DMD: variants seen among roughly 807,000 people sequenced by gnomAD.
DMD encodes mutant dystrophin.
Under a neutral mutation model 330.1 loss-of-function variants are expected in DMD, and 63 were observed. The observed-to-expected ratio is 0.19, with a 90% CI of 0.16 to 0.24. DMD has a LOEUF of 0.24. DMD is among the 10% of genes least tolerant of loss of function. DMD has a pLI of 1.00. For synonymous variants in DMD, 1,223 were observed against 959.8 expected (o/e 1.27, Z -5.07); for missense variants, 3,344 against 2,684.1 (o/e 1.25, Z -5.43).
chrX:31,838,086 G>A (rs920077791), intron 48 of DMD, among the ~76,000 whole-genome samples: 2 of 111,490 alleles, frequency 1.8e-5, no homozygotes, highest in East Asian at 2.8e-4. Context: ...TGCAGCACCC[G>A]GAATGACTGT....
Position 32,543,928 on chromosome X carries a change from G to C in DMD, c.2168+1231C>G, listed in dbSNP as rs187969174. Among the ~76,000 whole-genome samples the C allele has an allele frequency of 6.0e-4, 67 of 112,225 alleles. 1 individual carries two copies. Among genetic ancestry groups the C allele is most frequent in the Admixed American group, 5.7e-4 (6 of 10,567 alleles). On this transcript the variant is annotated intron_variant, in intron 17 of 78. Transcript: ENST00000357033. ...AAGTAATCATAAGTGATAAATAAATGAGTTTGGCTGTGTTCCACTAAAACA... is the reference window on the plus strand; with the variant it reads ...AAGTAATCATAAGTGATAAATAAATCAGTTTGGCTGTGTTCCACTAAAACA...
chrX:31,616,955 G>A (rs750593236), intron 55 of DMD, among the ~76,000 whole-genome samples: 6 of 111,453 alleles, frequency 5.4e-5, no homozygotes, highest in East Asian at 5.7e-4. Context: ...AGATGGTACC[G>A]GGATGAACAG....
intron 2 of DMD, among the ~76,000 whole-genome samples, chrX:32,923,388 C>G (rs906180149): frequency 9.1e-6 from 1 of 109,484 alleles, no homozygotes; most frequent in Non-Finnish European, 1.9e-5. Context: ...TAGCGAAACC[C>G]CATCTCTACT....
intron 2 of DMD, among the ~76,000 whole-genome samples, chrX:32,870,760 A>G (rs1242547722): frequency 2.7e-5 from 3 of 110,419 alleles, no homozygotes; most frequent in African/African-American, 9.9e-5. Context: ...CTTACACCTT[A>G]TACAAAAATT....
chrX:32,978,749 A>G (rs1009498872), intron 2 of DMD, among the ~76,000 whole-genome samples: 6 of 112,675 alleles, frequency 5.3e-5, no homozygotes, highest in African/African-American at 1.6e-4. Flanking sequence ...GATTACAGGC[A>G]TGAGACACTG....
intron 1 of DMD, among the ~76,000 whole-genome samples, chrX:33,250,140 T>C (rs998742309): frequency 2.0e-5 from 2 of 100,019 alleles, no homozygotes; most frequent in Non-Finnish European, 3.9e-5. Context: ...TATGTATGTG[T>C]GTGTATGTGT....
chrX:32,551,272 A>G (rs998122733), intron 16 of DMD, among the ~76,000 whole-genome samples: 2 of 111,555 alleles, frequency 1.8e-5, no homozygotes, highest in African/African-American at 6.5e-5. Context: ...GCAGCACATC[A>G]AAAAGCTAAT....
chrX:32,169,281 T>C (rs1383579382), intron 44 of DMD, among the ~76,000 whole-genome samples: 1 of 111,789 alleles, frequency 8.9e-6, no homozygotes, highest in Non-Finnish European at 1.9e-5. Context: ...TGATTTGAAA[T>C]CATTGTTTAG....
intron 5 of DMD, among the ~76,000 whole-genome samples, chrX:32,819,455 G>GA (rs1003624288): frequency 6.5e-4 from 70 of 108,062 alleles, no homozygotes; most frequent in East Asian, 2.0e-3. Context: ...TTAGCACTCC[G>GA]AAAAAAAAAG....
intron 52 of DMD, among the ~76,000 whole-genome samples, chrX:31,681,392 G>A (rs1204549160): frequency 8.9e-6 from 1 of 112,381 alleles, no homozygotes; most frequent in Non-Finnish European, 1.9e-5. Context: ...CAAGGGATGA[G>A]GGGAGGGAAA....
intron 60 of DMD, among the ~76,000 whole-genome samples, chrX:31,363,158 C>T (rs2059032330): frequency 9.0e-6 from 1 of 111,456 alleles, no homozygotes; most frequent in African/African-American, 3.3e-5. Flanking sequence ...AGAATATTTA[C>T]GTTAATTCAA....
At chrX:32,463,023 AG>A (rs1226624663) in intron 25 of DMD, among the ~76,000 whole-genome samples, 2 of 111,896 alleles carry the variant, frequency 1.8e-5, no homozygotes, top group East Asian at 5.6e-4. Context: ...GTTAATCGAA[AG>A]TTATAATTAT....
intron 44 of DMD, among the ~76,000 whole-genome samples, chrX:32,082,440 T>C (rs1241076788): frequency 1.1e-5 from 1 of 88,273 alleles, no homozygotes; most frequent in African/African-American, 4.2e-5. Flanking sequence ...ATCTATCTAT[T>C]TTGTAGAGAT....
At chrX:32,842,228 C>G (rs1477911140) in intron 4 of DMD, among the ~76,000 whole-genome samples, 1 of 112,075 alleles carries the variant, frequency 8.9e-6, no homozygotes, top group Non-Finnish European at 1.9e-5. Context: ...AATGAATACA[C>G]ACACTGTCCA....
chrX:32,004,741 A>C (rs775692194), intron 44 of DMD, among the ~76,000 whole-genome samples: 1 of 111,273 alleles, frequency 9.0e-6, no homozygotes, highest in East Asian at 2.8e-4. Context: ...TTTCTGCCAA[A>C]CAGATGCAGT....
At chrX:32,071,658 TA>T (rs200677043) in intron 44 of DMD, among the ~76,000 whole-genome samples, 9,297 of 103,325 alleles carry the variant, frequency 0.09, 401 homozygotes, top group African/African-American at 0.16. Context: ...TAAAGTAGAA[TA>T]AAAAAAAAAT....
intron 1 of DMD, among the ~76,000 whole-genome samples, chrX:33,117,892 C>T (rs2095397167): frequency 2.7e-5 from 3 of 111,295 alleles, no homozygotes; most frequent in African/African-American, 9.8e-5. Context: ...TCCTTTGTCT[C>T]ATATACTACG....
chrX:33,029,598 C>G (rs2094070343), intron 1 of DMD, among the ~76,000 whole-genome samples: 1 of 112,225 alleles, frequency 8.9e-6, no homozygotes, highest in Admixed American at 9.5e-5. Flanking sequence ...TTCCCTGCCA[C>G]TTAATCACAG....
chrX:32,972,067 G>A (rs2092401259), intron 2 of DMD, among the ~76,000 whole-genome samples: 2 of 111,933 alleles, frequency 1.8e-5, no homozygotes, highest in African/African-American at 6.5e-5. Context: ...ATTACAGTTT[G>A]CTACAGATAC....
Sources: allele counts gnomAD v4.1 joint callset (sites outside exome capture counted in the v4.1 genomes callset), GRCh38; gene constraint gnomAD v4.1.1; transcripts MANE v1.5; gene names NCBI Gene and HGNC (gene_info 2026-07-23, HGNC 2026-07-21).